BEND6: variants seen among roughly 807,000 people sequenced by gnomAD.
BEND6 encodes BEN domain-containing protein 6.
In BEND6, 24 loss-of-function variants were observed where a neutral mutation model predicts 31.8. That is an observed-to-expected ratio of 0.75 (90% CI 0.55 to 1.06). The LOEUF is 1.06. Among genes scored for constraint, BEND6 ranks in the 50% least tolerant of loss-of-function variants. The pLI, the probability that BEND6 is intolerant of heterozygous loss-of-function variation, is 0.00. For synonymous variants in BEND6, 109 were observed against 114.6 expected (o/e 0.95, Z 0.31); for missense variants, 294 against 327.4 (o/e 0.90, Z 0.79).
rs953380521 is a variant in BEND6, at chr6:56,982,118, C to T, written c.120+188C>T. The stretch of plus-strand genomic sequence containing the variant: ...AAATGTTTTGTAGAGACAGGGTCTC[C>T]CTGTGTTGCCCAGGCTGGTCTCAAA... On this transcript the variant is annotated intron_variant, in intron 2 of 6. Coordinates refer to ENST00000370746, the MANE Select transcript of BEND6 (RefSeq NM_152731.3). Among the ~76,000 whole-genome samples the T allele has an allele frequency of 2.6e-5, 4 of 151,814 alleles. No individual in the cohort carries two copies. In the East Asian group the frequency reaches 7.7e-4, roughly 29 times the overall value.
chr6:57,023,231 C>T (rs1390540929), intron 6 of BEND6, among the ~76,000 whole-genome samples: 2 of 152,076 alleles, frequency 1.3e-5, no homozygotes, highest in African/African-American at 4.8e-5. Context: ...GTTGAAGTTC[C>T]TCAGTATTAT....
chr6:56,994,574 C>A (rs188830127), intron 3 of BEND6, among the ~76,000 whole-genome samples: 1 of 151,982 alleles, frequency 6.6e-6, no homozygotes, highest in Admixed American at 6.5e-5. Context: ...CCTTATCCCC[C>A]ACTAAGGTTT....
In BEND6 at chr6:57,017,214, T is replaced by C. The variant is rs1446325082; in HGVS notation, c.527T>C (p.Ile176Thr). The C allele has an allele frequency of 1.3e-6, 2 of 1,574,468 alleles. No homozygotes were observed. The highest frequency in any genetic ancestry group is 2.3e-5 in the South Asian group (2 of 85,872). ...EHQTDEKQFQ[I>T]EKWQIARCNK... Reference sequence around the variant, plus strand: ...TCTTTCTTATCTTTTTAGTTCCAGATTGAAAAATGGCAGATTGCCCGTTGT... The same window carrying C: ...TCTTTCTTATCTTTTTAGTTCCAGACTGAAAAATGGCAGATTGCCCGTTGT... The change falls in exon 5 of 7, where the codon ATT becomes ACT. Residue 176 changes from isoleucine to threonine, a missense_variant. Coordinates refer to ENST00000370746, the MANE Select transcript of BEND6 (RefSeq NM_152731.3).
At chr6:56,966,615 C>G (rs894637485) in intron 1 of BEND6, among the ~76,000 whole-genome samples, 2 of 152,194 alleles carry the variant, frequency 1.3e-5, no homozygotes, top group African/African-American at 4.8e-5. Context: ...ATAAGTGACA[C>G]TGTGGAGCAG....
At chr6:57,018,691 T>G in intron 6 of BEND6, 134 bp downstream of exon 6, 1 of 979,288 alleles carries the variant, frequency 1.0e-6, no homozygotes, top group Non-Finnish European at 1.3e-6. Flanking sequence ...TAGGTATTCC[T>G]GGTGGCAAAA....
chr6:57,016,143 A>G (rs1365061534), intron 4 of BEND6, among the ~76,000 whole-genome samples: 1 of 152,190 alleles, frequency 6.6e-6, no homozygotes, highest in East Asian at 1.9e-4. Context: ...TGCTGGCTGA[A>G]CACAATTCTT....
At chr6:57,021,177 A>C (rs1378458074) in intron 6 of BEND6, among the ~76,000 whole-genome samples, 1 of 152,192 alleles carries the variant, frequency 6.6e-6, no homozygotes, top group Admixed American at 6.5e-5. Context: ...TTTCATTTTA[A>C]GTATGGTTGA....
intron 3 of BEND6, among the ~76,000 whole-genome samples, chr6:56,995,130 C>G (rs1474854864): frequency 6.6e-6 from 1 of 151,848 alleles, no homozygotes; most frequent in East Asian, 1.9e-4. Context: ...TATATTGCTC[C>G]AGAGATTCTG....
intron 3 of BEND6, among the ~76,000 whole-genome samples, chr6:57,003,596 C>A (rs1280699085): frequency 6.6e-6 from 1 of 152,084 alleles, no homozygotes; most frequent in African/African-American, 2.4e-5. Context: ...CAAATTCTAC[C>A]AGACATGCAA....
intron 5 of BEND6, among the ~76,000 whole-genome samples, chr6:57,017,970 C>T (rs975176090): frequency 6.6e-6 from 1 of 152,206 alleles, no homozygotes; most frequent in Non-Finnish European, 1.5e-5. Flanking sequence ...TTGGCTCACA[C>T]ATGCTGTTAG....
chr6:56,972,803 T>C (rs1190264508), intron 1 of BEND6, among the ~76,000 whole-genome samples: 1 of 152,172 alleles, frequency 6.6e-6, no homozygotes, highest in African/African-American at 2.4e-5. Flanking sequence ...TTCTCACAAT[T>C]CTGTAAGTTA....
At position 57,015,206 on chromosome 6, in the gene BEND6, C is replaced by A. The variant is rs368474009; in HGVS notation, c.372C>A (p.Thr124=). Residue 124 remains threonine (T), a synonymous_variant, in exon 4 of 7, where the codon ACC becomes ACA. Coordinates refer to ENST00000370746, the MANE Select transcript of BEND6 (RefSeq NM_152731.3). The part of the protein sequence containing the change: ...MAEALLKGGG[T]MSTSASTLWR... ...AGGCTCTGCTTAAGGGTGGGGGAAC[C>A]ATGTCTACATCTGCATCCACCCTCT... The A allele has an allele frequency of 6.2e-7, 1 of 1,614,140 alleles. No homozygotes were observed. The highest frequency in any genetic ancestry group is 8.5e-7 in the Non-Finnish European group (1 of 1,180,032).
chr6:56,971,630 C>T (rs1352169212), intron 1 of BEND6, among the ~76,000 whole-genome samples: 1 of 152,122 alleles, frequency 6.6e-6, no homozygotes, highest in Non-Finnish European at 1.5e-5. Flanking sequence ...CTTACCAATA[C>T]TTATGATTTT....
At chr6:56,959,577 A>G (rs1484090663) in intron 1 of BEND6, among the ~76,000 whole-genome samples, 1 of 152,222 alleles carries the variant, frequency 6.6e-6, no homozygotes, top group Non-Finnish European at 1.5e-5. Context: ...GAGCTATATC[A>G]TCTGGAAGAA....
chr6:57,005,677 T>TAA (rs76921934), intron 3 of BEND6, among the ~76,000 whole-genome samples: 9 of 130,672 alleles, frequency 6.9e-5, no homozygotes, highest in South Asian at 5.0e-4. Context: ...GAGACTCCAT[T>TAA]AAAAAAAAAA....
At chr6:56,978,383 C>T (rs1285201096) in intron 1 of BEND6, among the ~76,000 whole-genome samples, 1 of 152,096 alleles carries the variant, frequency 6.6e-6, no homozygotes, top group Non-Finnish European at 1.5e-5. Context: ...ATTTTTAAAA[C>T]ATTTTTCCCC....
At chr6:56,965,630 CCA>C (rs1825446538) in intron 1 of BEND6, among the ~76,000 whole-genome samples, 1 of 149,510 alleles carries the variant, frequency 6.7e-6, no homozygotes, top group Non-Finnish European at 1.5e-5. Context: ...CCGCTGCACT[CCA>C]GTCTCTGTGA....
chr6:57,022,449 A>G (rs1176582594), intron 6 of BEND6, among the ~76,000 whole-genome samples: 2 of 151,562 alleles, frequency 1.3e-5, no homozygotes, highest in Non-Finnish European at 2.9e-5. Context: ...GAGTCTTTGT[A>G]TTTGTGTGGT....
chr6:57,009,172 A>T (rs1312187028), intron 3 of BEND6: 5 of 152,168 alleles, frequency 3.3e-5, no homozygotes, highest in African/African-American at 1.2e-4. Context: ...TTATTAAAGG[A>T]TACAAAATTA....
Sources: allele counts gnomAD v4.1 joint callset (sites outside exome capture counted in the v4.1 genomes callset), GRCh38; gene constraint gnomAD v4.1.1; transcripts MANE v1.5; gene names NCBI Gene and HGNC (gene_info 2026-07-23, HGNC 2026-07-21).